Variants in SLC49A4 observed in about 807,000 individuals in gnomAD.
The protein encoded by SLC49A4 is disrupted in renal cancer protein 2.
In SLC49A4, 36 loss-of-function variants were observed where a neutral mutation model predicts 50.6. That is an observed-to-expected ratio of 0.71 (90% CI 0.55 to 0.94). SLC49A4 has a LOEUF of 0.94. Ranked by LOEUF, SLC49A4 falls within the 40% of genes least tolerant of loss-of-function variation. SLC49A4 has a pLI of 0.00. For missense variants in SLC49A4, 503 were observed against 605.7 expected (o/e 0.83, Z 1.78); for synonymous variants, 248 against 241.2 (o/e 1.03, Z -0.26).
chr3:122,846,424 T>A (rs899180066), intron 5 of SLC49A4, among the ~76,000 whole-genome samples: 17 of 151,428 alleles, frequency 1.1e-4, no homozygotes, highest in South Asian at 4.2e-4. Context: ...AAAAAAAAAA[T>A]TTGTCTATTC....
In SLC49A4 at chr3:122,879,299, G is replaced by A; in HGVS notation, c.1358G>A (p.Cys453Tyr). Residue 453 changes from cysteine (C) to tyrosine (Y), a missense_variant, in exon 9 of 9, where the codon TGT becomes TAT. By Grantham distance (194) the Cys-to-Tyr change is radical (BLOSUM62 -2). Coordinates refer to ENST00000261038, the MANE Select transcript of SLC49A4 (RefSeq NM_032839.3). ...SWFNWCLPGS[C>Y]LLSLLLILCF... ...TTCAACTGGTGCCTTCCCGGGTCGTGTTTGCTCAGTCTCCTCCTCATTCTG... is the reference window on the plus strand; with the variant it reads ...TTCAACTGGTGCCTTCCCGGGTCGTATTTGCTCAGTCTCCTCCTCATTCTG... 15 of 1,614,036 alleles carry A rather than the reference G, an allele frequency of 9.3e-6. No individual in the cohort carries two copies. Among genetic ancestry groups the A allele is most frequent in the Non-Finnish European group, 1.3e-5 (15 of 1,179,948 alleles).
Position 122,848,321 on chromosome 3 carries a change from TA to T in SLC49A4, c.942+2451del, listed in dbSNP as rs543740483. 1.1e-4 allele frequency among the ~76,000 whole-genome samples: 17 copies of T among 152,338 alleles called. No individual in the cohort carries two copies. In the South Asian group the frequency reaches 3.3e-3, roughly 30 times the overall value. The stretch of plus-strand genomic sequence containing the variant: ...CTCCTTATATACACTGGTGTATTTC[TA>T]GACTTTATTCCTTTAGTCTGTTTGT... On this transcript the variant is annotated intron_variant, in intron 5 of 8. Transcript: ENST00000261038.
At chr3:122,860,798 T>C (rs1265264383) in intron 7 of SLC49A4, among the ~76,000 whole-genome samples, 2 of 152,248 alleles carry the variant, frequency 1.3e-5, no homozygotes, top group Non-Finnish European at 2.9e-5. Context: ...GTAAAAGTTA[T>C]GCAAATTTAG....
At chr3:122,799,487 T>G (rs34388079) in intron 1 of SLC49A4, among the ~76,000 whole-genome samples, 14,350 of 152,152 alleles carry the variant, frequency 0.094, 740 homozygotes, top group East Asian at 0.14. Context: ...GTAGAGCCAC[T>G]GAGGGGAACA....
intron 4 of SLC49A4, among the ~76,000 whole-genome samples, chr3:122,843,919 G>A (rs1192491584): frequency 6.6e-6 from 1 of 152,188 alleles, no homozygotes; most frequent in East Asian, 1.9e-4. Context: ...CTGCTGCTGT[G>A]TGTACACCTA....
intron 5 of SLC49A4, among the ~76,000 whole-genome samples, chr3:122,854,398 A>C (rs958755649): frequency 6.6e-6 from 1 of 152,258 alleles, no homozygotes; most frequent in African/African-American, 2.4e-5. Context: ...TTTATTTGTC[A>C]TTCACATTGC....
intron 4 of SLC49A4, among the ~76,000 whole-genome samples, chr3:122,844,706 C>T (rs1177868526): frequency 3.3e-5 from 5 of 151,632 alleles, no homozygotes; most frequent in African/African-American, 7.3e-5. Context: ...CACTTGAACC[C>T]GGGAAGCGGA....
intron 8 of SLC49A4, among the ~76,000 whole-genome samples, chr3:122,877,337 A>G (rs113027706): frequency 4.3e-4 from 66 of 152,302 alleles, no homozygotes; most frequent in African/African-American, 1.5e-3. Context: ...TGAGAGGTGG[A>G]TTTGACTTTT....
chr3:122,869,438 T>C (rs1937166665), intron 7 of SLC49A4, among the ~76,000 whole-genome samples: 1 of 152,208 alleles, frequency 6.6e-6, no homozygotes, highest in African/African-American at 2.4e-5. Flanking sequence ...TAATATTTCT[T>C]TGGATGTTTT....
intron 7 of SLC49A4, among the ~76,000 whole-genome samples, chr3:122,864,424 T>G (rs1488414748): frequency 6.6e-6 from 1 of 152,226 alleles, no homozygotes; most frequent in Non-Finnish European, 1.5e-5. Context: ...ACTCACCAAG[T>G]CATTTTGTAC....
At chr3:122,824,118 A>G (rs1293150180) in intron 2 of SLC49A4, among the ~76,000 whole-genome samples, 1 of 152,242 alleles carries the variant, frequency 6.6e-6, no homozygotes, top group Non-Finnish European at 1.5e-5. Context: ...TTGTTTATGA[A>G]GAGTGTATGT....
intron 2 of SLC49A4, among the ~76,000 whole-genome samples, chr3:122,818,315 A>G (rs1393769810): frequency 6.6e-6 from 1 of 152,212 alleles, no homozygotes; most frequent in Non-Finnish European, 1.5e-5. Context: ...TTACCTATGT[A>G]CGATTAAGTA....
At chr3:122,799,052 G>A (rs920568547) in intron 1 of SLC49A4, among the ~76,000 whole-genome samples, 3 of 152,118 alleles carry the variant, frequency 2.0e-5, no homozygotes, top group Non-Finnish European at 4.4e-5. Flanking sequence ...CAGAGAGGTA[G>A]TAGAGCCAAG....
chr3:122,879,230 A>G, intron 8 of SLC49A4, 33 bp from the exon 9 acceptor site: 2 of 1,493,456 alleles, frequency 1.3e-6, no homozygotes, highest in South Asian at 1.1e-5. Flanking sequence ...TGATACATGA[A>G]TGTTTAAAAC....
At chr3:122,874,340 C>T (rs74407711) in intron 8 of SLC49A4, among the ~76,000 whole-genome samples, 2 of 152,322 alleles carry the variant, frequency 1.3e-5, no homozygotes, top group African/African-American at 2.4e-5. Flanking sequence ...AGTCAGTGCT[C>T]ATTCCTCATT....
chr3:122,836,957 C>T (rs1936695693), intron 4 of SLC49A4, among the ~76,000 whole-genome samples: 1 of 152,160 alleles, frequency 6.6e-6, no homozygotes, highest in Non-Finnish European at 1.5e-5. Context: ...AACTCCCATT[C>T]ACAATTGCTT....
intron 7 of SLC49A4, among the ~76,000 whole-genome samples, chr3:122,869,000 G>A (rs926075605): frequency 1.3e-5 from 2 of 152,168 alleles, no homozygotes; most frequent in Non-Finnish European, 1.5e-5. Flanking sequence ...TGGCTCCTGG[G>A]TATAGACATC....
chr3:122,802,054 G>A (rs1429478346), intron 1 of SLC49A4, among the ~76,000 whole-genome samples: 1 of 152,138 alleles, frequency 6.6e-6, no homozygotes, highest in Non-Finnish European at 1.5e-5. Flanking sequence ...TAGCACACCT[G>A]TAATCCCAGC....
At chr3:122,838,992 T>A (rs1445743865) in intron 4 of SLC49A4, among the ~76,000 whole-genome samples, 2 of 152,164 alleles carry the variant, frequency 1.3e-5, no homozygotes, top group Non-Finnish European at 2.9e-5. Context: ...CAAATTATAC[T>A]ACAAGGGTAT....
Sources: gnomAD v4.1 joint callset for allele counts (sites outside exome capture counted in the v4.1 genomes callset) on GRCh38, gnomAD v4.1.1 for gene constraint, MANE v1.5 for transcripts, NCBI Gene and HGNC (gene_info 2026-07-23, HGNC 2026-07-21) for gene names.